NAV3: variants seen among roughly 807,000 people sequenced by gnomAD.
The protein encoded by NAV3 is neuron navigator 3, also known as pore membrane and/or filament interacting like protein 1.
NAV3 carries 87 observed loss-of-function variants against 244.7 expected under a neutral mutation model. The ratio of observed to expected loss-of-function variants is 0.36; its 90% CI spans 0.30 to 0.42. NAV3 has a LOEUF of 0.42. Among genes scored for constraint, NAV3 ranks in the 20% least tolerant of loss-of-function variants. The pLI is 1.00. For synonymous variants in NAV3, 1,126 were observed against 1,042.2 expected (o/e 1.08, Z -1.55); for missense variants, 2,663 against 2,893.3 (o/e 0.92, Z 1.83).
chr12:77,903,471 T>C (rs963861623), intron 1 of NAV3, among the ~76,000 whole-genome samples: 1 of 152,214 alleles, frequency 6.6e-6, no homozygotes, highest in Non-Finnish European at 1.5e-5. Flanking sequence ...ATCCCTTCCT[T>C]ACACCTTATA....
rs746388664 is a variant in NAV3, at chr12:77,603,685, G to A, written c.72+31419G>A. Reference sequence around the variant, plus strand: ...TTGATGAGCAGAAGCTGGATGGATCGTCATGATGAAGGGAGAGGCAGGATT... The same window carrying A: ...TTGATGAGCAGAAGCTGGATGGATCATCATGATGAAGGGAGAGGCAGGATT... On this transcript the variant is annotated intron_variant, in intron 2 of 8. Transcript: ENST00000550042. Among the ~76,000 whole-genome samples, 10 of 152,156 alleles carry A rather than the reference G, an allele frequency of 6.6e-5. 1 individual carries two copies. Among genetic ancestry groups the A allele is most frequent in the South Asian group, 6.2e-4 (3 of 4,832 alleles).
chr12:77,937,375 A>G (rs533843929), intron 1 of NAV3, among the ~76,000 whole-genome samples: 4 of 152,268 alleles, frequency 2.6e-5, no homozygotes, highest in South Asian at 4.1e-4. Context: ...CTGGCCTCCC[A>G]TTTGTTTTCT....
intron 2 of NAV3, among the ~76,000 whole-genome samples, chr12:77,576,112 A>G (rs1869068891): frequency 6.6e-6 from 1 of 152,120 alleles, no homozygotes; most frequent in South Asian, 2.1e-4. Flanking sequence ...CCAACACATC[A>G]CATCTGTCCT....
intron 2 of NAV3, among the ~76,000 whole-genome samples, chr12:77,614,266 A>G (rs1871061375): frequency 6.6e-6 from 1 of 151,194 alleles, no homozygotes; most frequent in Admixed American, 6.6e-5. Context: ...ACATTGCCAA[A>G]TGTCCTCTGG....
At chr12:78,206,954 G>T (rs1960396332) in intron 39 of NAV3, among the ~76,000 whole-genome samples, 1 of 147,146 alleles carries the variant, frequency 6.8e-6, no homozygotes, top group African/African-American at 2.5e-5. Flanking sequence ...CGCCCCCCGA[G>T]TTCAAGCAAT....
intron 1 of NAV3, among the ~76,000 whole-genome samples, chr12:77,899,189 C>T (rs556219935): frequency 6.6e-6 from 1 of 152,208 alleles, no homozygotes; most frequent in Non-Finnish European, 1.5e-5. Flanking sequence ...GTTGAAATGA[C>T]AAAAAGGATT....
In NAV3 at chr12:78,136,213, T is replaced by C. The variant is rs1352218523; in HGVS notation, c.4442-964T>C. Reference sequence around the variant, plus strand: ...GGATTCCACAGGGTTTTGAAAATACTCGTTAGTTCCCTTTATATCTTAAGA... The same window carrying C: ...GGATTCCACAGGGTTTTGAAAATACCCGTTAGTTCCCTTTATATCTTAAGA... On this transcript the variant is annotated intron_variant, in intron 18 of 39. Coordinates refer to ENST00000397909, the MANE Select transcript of NAV3 (RefSeq NM_001024383.2). Among the ~76,000 whole-genome samples the C allele has an allele frequency of 2.0e-5, 3 of 152,338 alleles. No homozygotes were observed. In the East Asian group the frequency reaches 5.8e-4, roughly 29 times the overall value.
chr12:78,052,388 G>A (rs1347762921), intron 11 of NAV3, among the ~76,000 whole-genome samples: 1 of 152,138 alleles, frequency 6.6e-6, no homozygotes, highest in Non-Finnish European at 1.5e-5. Context: ...GTTGCCACTG[G>A]ATTCAGAGTG....
chr12:78,113,418 A>G (rs964413586), intron 12 of NAV3, among the ~76,000 whole-genome samples: 1 of 152,160 alleles, frequency 6.6e-6, no homozygotes, highest in Non-Finnish European at 1.5e-5. Context: ...ACATCCAAGC[A>G]TTTCCTTACA....
chr12:77,607,885 G>A (rs949541092), intron 2 of NAV3, among the ~76,000 whole-genome samples: 8 of 152,024 alleles, frequency 5.3e-5, no homozygotes, highest in Admixed American at 1.3e-4. Flanking sequence ...AAGTTGCCCC[G>A]TAAATAATTG....
intron 2 of NAV3, among the ~76,000 whole-genome samples, chr12:77,742,164 A>G (rs4761396): frequency 0.43 from 65,233 of 151,828 alleles, 15,021 homozygotes; most frequent in East Asian, 0.8. Context: ...GTCCTATTGC[A>G]TAATTCTTAG....
chr12:77,978,725 T>A (rs1272180566), intron 5 of NAV3, among the ~76,000 whole-genome samples: 1 of 151,990 alleles, frequency 6.6e-6, no homozygotes, highest in African/African-American at 2.4e-5. Context: ...AATAAATTTT[T>A]AAAATTATAA....
chr12:77,655,890 T>C (rs1164772663), intron 2 of NAV3, among the ~76,000 whole-genome samples: 1 of 149,154 alleles, frequency 6.7e-6, no homozygotes, highest in Non-Finnish European at 1.5e-5. Flanking sequence ...TAAAATTCTT[T>C]GCAGACAAGC....
chr12:77,714,861 T>G (rs1311329644), intron 2 of NAV3, among the ~76,000 whole-genome samples: 1 of 152,156 alleles, frequency 6.6e-6, no homozygotes, highest in East Asian at 1.9e-4. Context: ...TTATTAAAAG[T>G]CTTACTTGGC....
intron 1 of NAV3, among the ~76,000 whole-genome samples, chr12:77,901,986 A>G (rs1885352787): frequency 6.6e-6 from 1 of 152,184 alleles, no homozygotes; most frequent in Admixed American, 6.5e-5. Flanking sequence ...TTGGGGAAGA[A>G]GATATAGGAA....
chr12:78,029,856 AT>A (rs1878685686), intron 9 of NAV3, among the ~76,000 whole-genome samples: 3 of 152,194 alleles, frequency 2.0e-5, no homozygotes, highest in Non-Finnish European at 2.9e-5. Context: ...CAATAAAATA[AT>A]TGCCTATTAG....
At chr12:77,686,403 T>C (rs9739451) in intron 2 of NAV3, among the ~76,000 whole-genome samples, 3,375 of 146,536 alleles carry the variant, frequency 0.023, 135 homozygotes, top group African/African-American at 0.081. Flanking sequence ...GGATTTTTTC[T>C]TTTCTTTTCT....
At chr12:77,622,482 C>T (rs982694558) in intron 2 of NAV3, among the ~76,000 whole-genome samples, 1 of 151,416 alleles carries the variant, frequency 6.6e-6, no homozygotes, top group South Asian at 2.1e-4. Flanking sequence ...GTTTTCTACA[C>T]CACCACATTG....
chr12:77,894,441 A>G (rs1439019424), intron 1 of NAV3, among the ~76,000 whole-genome samples: 1 of 152,202 alleles, frequency 6.6e-6, no homozygotes, highest in Non-Finnish European at 1.5e-5. Flanking sequence ...AATAAGCCAG[A>G]AATCTGGAAT....
Sources: gnomAD v4.1 joint callset for allele counts (sites outside exome capture counted in the v4.1 genomes callset) on GRCh38, gnomAD v4.1.1 for gene constraint, MANE v1.5 for transcripts, NCBI Gene and HGNC (gene_info 2026-07-23, HGNC 2026-07-21) for gene names.